QTMAN: variants seen among roughly 807,000 people sequenced by gnomAD.
QTMAN encodes the protein queuosine-tRNA mannosyltransferase.
At chr2:144,223,631 CT>C in the QTMAN span, among the ~76,000 whole-genome samples, 1 of 152,148 alleles carries the variant, frequency 6.6e-6, no homozygotes, top group African/African-American at 2.4e-5. Context: ...TGATAACCAA[CT>C]TTTTTACTGC....
the QTMAN span, among the ~76,000 whole-genome samples, chr2:144,048,806 G>A: frequency 1.8e-4 from 26 of 145,378 alleles, no homozygotes; most frequent in African/African-American, 5.8e-4. Context: ...GCTTGTGTGC[G>A]CACACACATG....
the QTMAN span, among the ~76,000 whole-genome samples, chr2:144,117,271 A>G: frequency 6.6e-6 from 1 of 152,184 alleles, no homozygotes; most frequent in Admixed American, 6.5e-5. Context: ...TGATCCACAC[A>G]GCTCATATCC....
At chr2:144,186,937 A>T in the QTMAN span, among the ~76,000 whole-genome samples, 1 of 152,194 alleles carries the variant, frequency 6.6e-6, no homozygotes, top group African/African-American at 2.4e-5. Context: ...CAGTTTGATT[A>T]GAATAACTCT....
At chr2:144,060,277 T>G in the QTMAN span, among the ~76,000 whole-genome samples, 1 of 152,200 alleles carries the variant, frequency 6.6e-6, no homozygotes, top group Admixed American at 6.5e-5. Flanking sequence ...TTTCTTTTTT[T>G]TGAGACCGAG....
At chr2:144,248,761 CAG>C in the QTMAN span, among the ~76,000 whole-genome samples, 123 of 149,406 alleles carry the variant, frequency 8.2e-4, no homozygotes, top group African/African-American at 2.8e-3. Context: ...AAAAAAAAAA[CAG>C]AGTATTGACT....
chr2:143,979,459 A>C, the QTMAN span, among the ~76,000 whole-genome samples: 1 of 152,188 alleles, frequency 6.6e-6, no homozygotes, highest in African/African-American at 2.4e-5. Context: ...ATAAAATCCA[A>C]ATAATTGAGA....
the QTMAN span, chr2:144,332,303 C>T: frequency 6.7e-6 from 1 of 150,286 alleles, no homozygotes; most frequent in Non-Finnish European, 1.5e-5. Context: ...CCCCGCGCCG[C>T]AGCCGCCGCT....
the QTMAN span, among the ~76,000 whole-genome samples, chr2:144,165,345 C>T: frequency 2.0e-5 from 3 of 151,542 alleles, no homozygotes; most frequent in East Asian, 1.9e-4. Flanking sequence ...ACTCTCGCTC[C>T]GGGTGACAGA....
At chr2:144,268,299 T>C in the QTMAN span, among the ~76,000 whole-genome samples, 2 of 152,212 alleles carry the variant, frequency 1.3e-5, no homozygotes, top group East Asian at 1.9e-4. Flanking sequence ...GCCATGTTTC[T>C]TGTACAGCCT....
At chr2:144,327,990 C>G in the QTMAN span, among the ~76,000 whole-genome samples, 1 of 152,174 alleles carries the variant, frequency 6.6e-6, no homozygotes, top group Admixed American at 6.5e-5. Context: ...CCCACTCTGT[C>G]ACCCAGGCCG....
chr2:144,321,574 C>T, the QTMAN span, among the ~76,000 whole-genome samples: 6 of 152,134 alleles, frequency 3.9e-5, no homozygotes, highest in East Asian at 1.9e-4. Context: ...GACGGATTAG[C>T]GTATGGACTT....
the QTMAN span, among the ~76,000 whole-genome samples, chr2:144,177,880 TATAAAA>T: frequency 6.6e-6 from 1 of 152,322 alleles, no homozygotes; most frequent in Non-Finnish European, 1.5e-5. Flanking sequence ...ATCAACATAA[TATAAAA>T]ATAATGTTTT....
At chr2:144,061,997 T>A in the QTMAN span, among the ~76,000 whole-genome samples, 1 of 152,116 alleles carries the variant, frequency 6.6e-6, no homozygotes, top group Non-Finnish European at 1.5e-5. Flanking sequence ...GCCACCTCCA[T>A]CATTCAGTAA....
chr2:144,003,259 T>C, the QTMAN span, among the ~76,000 whole-genome samples: 1 of 151,888 alleles, frequency 6.6e-6, no homozygotes, highest in Non-Finnish European at 1.5e-5. Flanking sequence ...ACTGTGGCCT[T>C]GAGAGAGTGA....
the QTMAN span, among the ~76,000 whole-genome samples, chr2:144,262,245 C>T: frequency 6.6e-6 from 1 of 152,136 alleles, no homozygotes; most frequent in Admixed American, 6.5e-5. Context: ...TGGAAGATGG[C>T]TGCTGGAGTG....
chr2:144,008,512 T>C, the QTMAN span, among the ~76,000 whole-genome samples: 1 of 151,994 alleles, frequency 6.6e-6, no homozygotes. Context: ...CCAAAGAGAC[T>C]GGGATGCAGG....
chr2:144,095,266 A>G, the QTMAN span, among the ~76,000 whole-genome samples: 1 of 152,176 alleles, frequency 6.6e-6, no homozygotes, highest in South Asian at 2.1e-4. Flanking sequence ...AATTCTTAAA[A>G]CAGAATTTTA....
At chr2:144,298,201 G>T in the QTMAN span, among the ~76,000 whole-genome samples, 1 of 151,596 alleles carries the variant, frequency 6.6e-6, no homozygotes, top group Non-Finnish European at 1.5e-5. Flanking sequence ...TGTATTTTTA[G>T]TAGAGATGGG....
the QTMAN span, among the ~76,000 whole-genome samples, chr2:144,067,461 A>G: frequency 6.6e-6 from 1 of 152,222 alleles, no homozygotes; most frequent in South Asian, 2.1e-4. Context: ...AGCGAGGACA[A>G]TAAGAAATTT....
Sources: gnomAD v4.1 joint callset for allele counts (sites outside exome capture counted in the v4.1 genomes callset) on GRCh38, gnomAD v4.1.1 for gene constraint, MANE v1.5 for transcripts, NCBI Gene and HGNC (gene_info 2026-07-23, HGNC 2026-07-21) for gene names.